Variants in BOP1 observed in about 807,000 individuals in gnomAD.
BOP1 encodes ribosome biogenesis protein BOP1.
Under a neutral mutation model 82.9 loss-of-function variants are expected in BOP1, and 54 were observed. The observed-to-expected ratio is 0.65, with a 90% CI of 0.52 to 0.82. BOP1 has a LOEUF of 0.82. Among genes scored for constraint, BOP1 ranks in the 40% least tolerant of loss-of-function variants. BOP1 has a pLI of 0.00. For missense variants in BOP1, 1,170 were observed against 1,072.0 expected, an observed-to-expected ratio of 1.09 and a Z score of -1.28; for synonymous variants, 566 against 451.1, an observed-to-expected ratio of 1.25 and a Z score of -3.23.
intron 3 of BOP1, 124 bp downstream of exon 3, chr8:144,276,100 A>C: frequency 8.8e-7 from 1 of 1,139,600 alleles, no homozygotes; most frequent in South Asian, 1.2e-5. Context: ...CGGCTCCAAC[A>C]GTGCGGCCCA....
chr8:144,264,201 C>T (rs1444913889), intron 7 of BOP1, 24 bp downstream of exon 7: 4 of 1,607,538 alleles, frequency 2.5e-6, no homozygotes, highest in South Asian at 2.2e-5. Flanking sequence ...GGACAGGGTC[C>T]CGGCCCCCAG....
intron 2 of BOP1, among the ~76,000 whole-genome samples, chr8:144,284,155 G>C (rs2130261074): frequency 6.6e-6 from 1 of 151,996 alleles, no homozygotes; most frequent in East Asian, 1.9e-4. Context: ...AAACTAGCCA[G>C]GCATGGTGGC....
Position 144,263,564 on chromosome 8 carries a change from G to A in BOP1, c.1338C>T (p.Arg446=). 6.2e-7 allele frequency: 1 copy of A among 1,602,372 alleles called. No homozygotes were observed. The highest frequency in any genetic ancestry group is 8.5e-7 in the Non-Finnish European group (1 of 1,179,736). ...CCCCCACGGGAACAGTCCTCACACA[G>A]CGGGCAGTGGCCACCTCCCAGAGCC... ...SLRLWEVATA[R]CVRTVPVGGV... The change falls in exon 11 of 16, where the codon CGC becomes CGT. Residue 446 remains arginine, a synonymous_variant. Transcript: ENST00000569669.
At chr8:144,266,570 T>G in intron 3 of BOP1, 2 of 1,012,868 alleles carry the variant, frequency 2.0e-6, no homozygotes, top group Non-Finnish European at 2.4e-6. Context: ...GGAGGCGGCA[T>G]GAGCAGCGCG....
chr8:144,290,660 T>C (rs1339092914), intron 1 of BOP1, among the ~76,000 whole-genome samples: 8 of 152,234 alleles, frequency 5.3e-5, no homozygotes, highest in Non-Finnish European at 5.9e-5. Context: ...TAGAGTGGCC[T>C]GCGGGCCATT....
intron 3 of BOP1, among the ~76,000 whole-genome samples, chr8:144,271,007 C>T (rs1845483138): frequency 1.3e-5 from 2 of 152,116 alleles, no homozygotes; most frequent in African/African-American, 2.4e-5. Context: ...CCACCCGCCC[C>T]GCCCAGCGCA....
intron 3 of BOP1, chr8:144,268,160 CCAGGAGG>C: frequency 1.3e-6 from 2 of 1,550,472 alleles, no homozygotes; most frequent in Non-Finnish European, 1.7e-6. Context: ...CCGGCAGCAG[CCAGGAGG>C]CAGACGCTGC....
chr8:144,264,234 G>C lies in BOP1; in HGVS notation c.969C>G (p.Ser323Arg). 6.2e-7 allele frequency: 1 copy of C among 1,608,414 alleles called. No homozygotes were observed. Among genetic ancestry groups the C allele is most frequent in the African/African-American group, 1.3e-5 (1 of 74,964 alleles). The change falls in exon 7 of 16, where the codon AGC becomes AGG. Residue 323 changes from serine (S) to arginine (R), a missense_variant. Physicochemically the swap from Ser to Arg is moderately radical, Grantham distance 110. Coordinates refer to ENST00000569669, the MANE Select transcript of BOP1 (RefSeq NM_015201.5). ...SYNPPPEYLL[S>R]EEERLAWEQQ... ...CAGGATGCAGGCCCACCTCCTCCTCGCTGAGCAGGTATTCAGGGGGTGGGT... is the reference window on the plus strand; with the variant it reads ...CAGGATGCAGGCCCACCTCCTCCTCCCTGAGCAGGTATTCAGGGGGTGGGT...
At chr8:144,266,673 C>T in intron 3 of BOP1, 2 of 1,262,686 alleles carry the variant, frequency 1.6e-6, no homozygotes, top group East Asian at 5.1e-5. Flanking sequence ...CCGAGGTGAG[C>T]CCGCTGTCGG....
chr8:144,264,023 G>A lies in BOP1; in HGVS notation c.1098C>T (p.Arg366=). The part of the protein sequence containing the change: ...YGRFIQERFE[R]CLDLYLCPRQ... ...GTGGGCACAGGTACAGGTCAAGGCA[G>A]CGCTCGAAGCGTTCCTGGATGAAGC... The change falls in exon 8 of 16, where the codon CGC becomes CGT. Residue 366 remains arginine, a synonymous_variant. Transcript: ENST00000569669. The A allele has an allele frequency of 1.2e-6, 2 of 1,608,646 alleles. No homozygotes were observed. Among genetic ancestry groups the A allele is most frequent in the South Asian group, 1.1e-5 (1 of 91,052 alleles).
chr8:144,266,408 G>A (rs1224895306), intron 3 of BOP1, among the ~76,000 whole-genome samples: 1 of 151,798 alleles, frequency 6.6e-6, no homozygotes, highest in Non-Finnish European at 1.5e-5. Flanking sequence ...GCGCGGGGGA[G>A]GGGCCGGGAC....
intron 3 of BOP1, among the ~76,000 whole-genome samples, chr8:144,269,102 A>G (rs1554837529): frequency 1.3e-5 from 2 of 152,050 alleles, no homozygotes; most frequent in Admixed American, 1.3e-4. Context: ...TCCCACCACC[A>G]CGGCCCATCC....
intron 2 of BOP1, among the ~76,000 whole-genome samples, chr8:144,288,542 T>TA (rs1359540905): frequency 4.0e-5 from 6 of 151,544 alleles, no homozygotes; most frequent in Non-Finnish European, 7.4e-5. Flanking sequence ...AAATAAAAAA[T>TA]AAAAAAAAAT....
chr8:144,268,876 G>A (rs1845442338), intron 3 of BOP1, among the ~76,000 whole-genome samples: 1 of 152,188 alleles, frequency 6.6e-6, no homozygotes, highest in Non-Finnish European at 1.5e-5. Flanking sequence ...GGGCACCCGG[G>A]GGCCCTGAGG....
chr8:144,270,633 A>G (rs1845477517), intron 3 of BOP1, among the ~76,000 whole-genome samples: 1 of 152,074 alleles, frequency 6.6e-6, no homozygotes, highest in South Asian at 2.1e-4. Flanking sequence ...TGCTCCAGAA[A>G]TTCAAACCAG....
At chr8:144,277,246 CTA>C (rs1289958214) in intron 2 of BOP1, among the ~76,000 whole-genome samples, 4 of 151,680 alleles carry the variant, frequency 2.6e-5, no homozygotes, top group African/African-American at 9.7e-5. Flanking sequence ...AGATGGGAGA[CTA>C]AGTTTTTTCC....
At chr8:144,267,038 C>T in intron 3 of BOP1, 1 of 1,518,754 alleles carries the variant, frequency 6.6e-7, no homozygotes, top group Non-Finnish European at 8.8e-7. Flanking sequence ...GACGGACAGC[C>T]CTGCCACTCC....
At chr8:144,273,385 T>C (rs148859416) in intron 3 of BOP1, among the ~76,000 whole-genome samples, 5 of 84,288 alleles carry the variant, frequency 5.9e-5, no homozygotes, top group Non-Finnish European at 8.4e-5. Flanking sequence ...AGCCCCAGAC[T>C]CCAGACTCCA....
chr8:144,278,594 G>T (rs587610578), intron 2 of BOP1, among the ~76,000 whole-genome samples: 3 of 152,338 alleles, frequency 2.0e-5, no homozygotes, highest in African/African-American at 7.2e-5. Flanking sequence ...CCCACAAGAG[G>T]GTTCTGCTGG....
Sources: gnomAD v4.1 joint callset for allele counts (sites outside exome capture counted in the v4.1 genomes callset) on GRCh38, gnomAD v4.1.1 for gene constraint, MANE v1.5 for transcripts, NCBI Gene and HGNC (gene_info 2026-07-23, HGNC 2026-07-21) for gene names.